The following LSG1 variants were observed in gnomAD, a reference collection of about 807,000 sequenced individuals.
The protein encoded by LSG1 is large subunit GTPase 1 homolog.
Under a neutral mutation model 82.6 loss-of-function variants are expected in LSG1, and 55 were observed. That is an observed-to-expected ratio of 0.67 (90% confidence interval 0.54 to 0.83). The LOEUF is 0.83. Among genes scored for constraint, LSG1 ranks in the 40% least tolerant of loss-of-function variants. The probability of loss-of-function intolerance (pLI) is 0.00; values close to 1 mark genes in which losing one functional copy is unlikely to be tolerated. For missense variants in LSG1, 809 were observed against 807.9 expected, an observed-to-expected ratio of 1.00 and a Z score of -0.02; for synonymous variants, 272 against 282.5, an observed-to-expected ratio of 0.96 and a Z score of 0.37.
At chr3:194,643,537 A>G (rs1773165) in intron 13 of LSG1, among the ~76,000 whole-genome samples, 126,619 of 152,198 alleles carry the variant, frequency 0.83, 52,994 homozygotes, top group East Asian at 0.94. Flanking sequence ...ATAAAAAAAA[A>G]ATGGGAAATA....
At chr3:194,665,066 G>A (rs1158571316) in intron 5 of LSG1, among the ~76,000 whole-genome samples, 1 of 152,174 alleles carries the variant, frequency 6.6e-6, no homozygotes, top group Admixed American at 6.5e-5. Flanking sequence ...ACTGCCCTCT[G>A]TATTTCACTA....
At chr3:194,645,543 C>CACAG (rs1560219687) in intron 12 of LSG1, 1 of 45,314 alleles carries the variant, frequency 2.2e-5, no homozygotes, top group African/African-American at 8.4e-5. Flanking sequence ...CAGACACACA[C>CACAG]ACACACACAC....
rs1196711626 is a variant in LSG1 at position 194,652,189 on chromosome 3, T to G, written c.1173+540A>C. Among the ~76,000 whole-genome samples, 3 of 152,180 alleles carry G rather than the reference T, an allele frequency of 2.0e-5. No individual in the cohort carries two copies. In the East Asian group the frequency reaches 5.8e-4, roughly 29 times the overall value. On this transcript the variant is annotated intron_variant, in intron 8 of 13. Coordinates refer to ENST00000265245, the MANE Select transcript of LSG1 (RefSeq NM_018385.3). ...CCATCTAGAGCCATGTCGTAGCCCC[T>G]CGGGGTTTGCGCACTTCCGCAGCCA...
At chr3:194,652,680 G>T (rs757700564) in intron 8 of LSG1, 49 bp downstream of exon 8, 22 of 1,563,510 alleles carry the variant, frequency 1.4e-5, no homozygotes, top group Admixed American at 1.2e-4. Flanking sequence ...GAAAAATGGG[G>T]ATTAAAGACA....
intron 7 of LSG1, among the ~76,000 whole-genome samples, chr3:194,655,128 C>A (rs576425850): frequency 2.0e-5 from 3 of 152,160 alleles, no homozygotes; most frequent in Non-Finnish European, 4.4e-5. Flanking sequence ...TGGCGCCTCA[C>A]TCTTAAAAAG....
At chr3:194,647,250 A>T (rs1718573270) in intron 11 of LSG1, among the ~76,000 whole-genome samples, 1 of 152,238 alleles carries the variant, frequency 6.6e-6, no homozygotes, top group Non-Finnish European at 1.5e-5. Flanking sequence ...CAAACCAAAA[A>T]GGAAAAATAT....
intron 2 of LSG1, among the ~76,000 whole-genome samples, chr3:194,667,072 G>GT (rs559179885): frequency 3.0e-3 from 441 of 147,916 alleles, no homozygotes; most frequent in African/African-American, 7.4e-3. Context: ...TTTGTCTTCT[G>GT]TTTTTTTTTT....
At position 194,642,030 on chromosome 3, in the gene LSG1, C is replaced by G. The variant is rs369317000; in HGVS notation, c.*38G>C. On this transcript the variant is annotated 3_prime_UTR_variant, in exon 14 of 14. Transcript: ENST00000265245. ...ACAGGCAGCTTCTGCTCTTTTCCAT[C>G]TGCACAATGCAGATGACATTTCTGT... 3.1e-6 allele frequency: 5 copies of G among 1,600,588 alleles called. No homozygotes were observed. Among genetic ancestry groups the G allele is most frequent in the Non-Finnish European group, 3.4e-6 (4 of 1,173,536 alleles).
At chr3:194,660,915 A>G (rs1247997193) in intron 5 of LSG1, 1 of 456,354 alleles carries the variant, frequency 2.2e-6, no homozygotes, top group Non-Finnish European at 4.4e-6. Flanking sequence ...ATTCCCTTCT[A>G]TGGGAGGCTC....
At chr3:194,648,425 AAC>A (rs1718599456) in intron 11 of LSG1, among the ~76,000 whole-genome samples, 1 of 152,150 alleles carries the variant, frequency 6.6e-6, no homozygotes, top group African/African-American at 2.4e-5. Flanking sequence ...AGAAAGAGCC[AAC>A]ACAGCCTACG....
At chr3:194,666,315 A>C (rs1719028827) in intron 3 of LSG1, 26 bp from the exon 4 acceptor site, 1 of 1,610,382 alleles carries the variant, frequency 6.2e-7, no homozygotes, top group Non-Finnish European at 8.5e-7. Flanking sequence ...AAGGAAAAAA[A>C]TTCCTCATAT....
chr3:194,648,841 C>T, intron 10 of LSG1, 37 bp from the exon 11 acceptor site: 1 of 1,611,758 alleles, frequency 6.2e-7, no homozygotes, highest in Admixed American at 1.7e-5. Context: ...TGAACGGACT[C>T]CCTCCTCCCC....
intron 2 of LSG1, 136 bp downstream of exon 2, chr3:194,669,873 G>A (rs1719108186): frequency 2.0e-6 from 2 of 979,762 alleles, no homozygotes; most frequent in Non-Finnish European, 3.0e-6. Flanking sequence ...CGGAGCTGCA[G>A]TGAGCTGATA....
chr3:194,651,090 A>C (rs1382016937), intron 9 of LSG1, 25 bp downstream of exon 9: 1 of 1,613,924 alleles, frequency 6.2e-7, no homozygotes, highest in Admixed American at 1.7e-5. Context: ...AGCTGCATGC[A>C]AGTGGCAAAG....
At chr3:194,653,376 G>A (rs550304355) in intron 7 of LSG1, among the ~76,000 whole-genome samples, 13 of 152,150 alleles carry the variant, frequency 8.5e-5, no homozygotes, top group South Asian at 4.2e-4. Flanking sequence ...TTAGCCAGGC[G>A]TGGTGGTGCA....
chr3:194,643,744 A>C (rs1560218404), intron 13 of LSG1, among the ~76,000 whole-genome samples: 1 of 152,228 alleles, frequency 6.6e-6, no homozygotes, highest in Non-Finnish European at 1.5e-5. Flanking sequence ...AAACCTGTAC[A>C]CAAGTGTTCA....
At chr3:194,650,553 C>T (rs1190142028) in intron 10 of LSG1, among the ~76,000 whole-genome samples, 3 of 152,188 alleles carry the variant, frequency 2.0e-5, no homozygotes, top group Non-Finnish European at 4.4e-5. Flanking sequence ...GATAGATTTT[C>T]CCCCACTTAG....
chr3:194,660,066 G>T lies in LSG1; in HGVS notation c.582+7C>A, dbSNP rs750677285. On this transcript the variant is annotated splice_region_variant and intron_variant, in intron 6 of 13. Transcript: ENST00000265245. ...CTGATGTTTGAATTTTGTCAAACTT[G>T]ACTTACCAAATCCTCACATCTAAAC... The T allele has an allele frequency of 2.5e-6, 4 of 1,612,774 alleles. No individual in the cohort carries two copies. The African/African-American group carries it at 4.0e-5, about 16-fold the overall frequency.
At chr3:194,665,071 T>C (rs9876550) in intron 5 of LSG1, among the ~76,000 whole-genome samples, 29,123 of 152,184 alleles carry the variant, frequency 0.19, 3,181 homozygotes, top group East Asian at 0.46. Context: ...CCTCTGTATT[T>C]CACTACGTAT....
Sources: gnomAD v4.1 joint callset for allele counts (sites outside exome capture counted in the v4.1 genomes callset) on GRCh38, gnomAD v4.1.1 for gene constraint, MANE v1.5 for transcripts, NCBI Gene and HGNC (gene_info 2026-07-23, HGNC 2026-07-21) for gene names.